Variants in PIGG observed in about 807,000 individuals in gnomAD.
The protein encoded by PIGG is phosphatidylinositol glycan anchor biosynthesis class G (EMM blood group).
PIGG carries 70 observed loss-of-function variants against 83.2 expected under a neutral mutation model. The ratio of observed to expected loss-of-function variants is 0.84; its 90% CI spans 0.69 to 1.03. The LOEUF is 1.03. Ranked by LOEUF, PIGG falls within the 50% of genes least tolerant of loss-of-function variation. The probability of loss-of-function intolerance (pLI) is 0.00; values close to 1 mark genes in which losing one functional copy is unlikely to be tolerated. For synonymous variants in PIGG, 532 were observed against 519.5 expected, an observed-to-expected ratio of 1.02 and a Z score of -0.33; for missense variants, 1,257 against 1,233.6, an observed-to-expected ratio of 1.02 and a Z score of -0.28.
At chr4:526,974 CT>C in intron 9 of PIGG, 64 bp from the exon 10 acceptor site, 2 of 1,579,552 alleles carry the variant, frequency 1.3e-6, no homozygotes, top group Non-Finnish European at 1.7e-6. Flanking sequence ...TTGAAAGCCA[CT>C]TGGTGTAGAT....
intron 8 of PIGG, 21 bp downstream of exon 8, chr4:521,962 G>C (rs773379923): frequency 6.2e-7 from 1 of 1,612,598 alleles, no homozygotes; most frequent in Admixed American, 1.7e-5. Flanking sequence ...CTGGTTCCTG[G>C]GAGTGTGACG....
rs782589600 is a variant in PIGG, at chr4:505,947, A to T, written c.570+20A>T. ...ACAGAGGTCAGTTTTTAAAATAAGA[A>T]AATATATCATACTAGAATATCATAC... is the stretch of plus-strand genomic sequence containing the variant. On this transcript the variant is annotated intron_variant, in intron 3 of 12. Transcript: ENST00000453061. 9.3e-6 allele frequency: 14 copies of T among 1,497,932 alleles called. No individual in the cohort carries two copies. The highest frequency in any genetic ancestry group is 1.4e-5 in the African/African-American group (1 of 71,770). 92.8% of individuals were successfully genotyped at this position (1,497,932 alleles called of 1,614,324 possible). A position where few individuals can be genotyped will look rare whatever the true frequency, so the allele number is the denominator to read the frequency against.
intron 8 of PIGG, chr4:522,147 T>C: frequency 1.6e-6 from 1 of 630,818 alleles, no homozygotes; most frequent in Non-Finnish European, 2.9e-6. Flanking sequence ...GGTGTTCACA[T>C]CTGTGCTGTC....
intron 2 of PIGG, among the ~76,000 whole-genome samples, chr4:503,482 C>T (rs138584728): frequency 6.6e-6 from 1 of 152,178 alleles, no homozygotes; most frequent in Non-Finnish European, 1.5e-5. Flanking sequence ...TCACACGCAG[C>T]TCATTTCCTC....
At position 533,822 on chromosome 4, in the gene PIGG, A is replaced by G. The variant is rs745840866; in HGVS notation, c.2576A>G (p.Asn859Ser). Residue 859 changes from asparagine (N) to serine (S), a missense_variant, in exon 12 of 13, where the codon AAC (asparagine) becomes AGC (serine). Coordinates refer to ENST00000453061, the MANE Select transcript of PIGG (RefSeq NM_001127178.3). ...FGQAFFYFQG[N>S]SNNIATVDIS... ...AGCTCTTCTCCTGTATTCCAGGGCA[A>G]CTCCAACAACATTGCCACCGTGGAC... 4 of 1,614,140 alleles carry G rather than the reference A, an allele frequency of 2.5e-6. No homozygotes were observed. The Admixed American group carries it at 6.7e-5, about 27-fold the overall frequency.
At chr4:518,558 A>G (rs1024672779) in intron 6 of PIGG, among the ~76,000 whole-genome samples, 82 of 152,318 alleles carry the variant, frequency 5.4e-4, no homozygotes, top group Admixed American at 2.2e-3. Flanking sequence ...GCGACACTGC[A>G]CTCCAGCCTG....
rs116173624 is a variant in PIGG, at chr4:502,969, G to A, written c.360+2368G>A. On this transcript the variant is annotated intron_variant, in intron 2 of 12. Coordinates refer to ENST00000453061, the MANE Select transcript of PIGG (RefSeq NM_001127178.3). The stretch of plus-strand genomic sequence containing the variant: ...GGGACAGTCCTATGGAAACTGGGCC[G>A]AGTATATAACGGAATCCACCAAGGA... Among the ~76,000 whole-genome samples the A allele has an allele frequency of 3.5e-3, 535 of 152,086 alleles. 1 individual carries two copies. Among genetic ancestry groups the A allele is most frequent in the African/African-American group, 0.012 (507 of 41,484 alleles).
chr4:500,328 T>C, intron 1 of PIGG, 68 bp from the exon 2 acceptor site: 1 of 1,129,826 alleles, frequency 8.9e-7, no homozygotes, highest in South Asian at 1.3e-5. Flanking sequence ...AGAAGCTAGA[T>C]TGTGAAGGTG....
intron 6 of PIGG, among the ~76,000 whole-genome samples, chr4:519,310 G>C (rs969831028): frequency 1.3e-5 from 2 of 152,158 alleles, no homozygotes; most frequent in African/African-American, 4.8e-5. Context: ...CTGGCACAGC[G>C]CCTGGCACAG....
intron 5 of PIGG, among the ~76,000 whole-genome samples, chr4:513,826 G>A (rs147293625): frequency 2.6e-5 from 4 of 152,266 alleles, no homozygotes; most frequent in African/African-American, 7.2e-5. Context: ...AAAATAGTTT[G>A]TGCAGGCAAG....
intron 2 of PIGG, among the ~76,000 whole-genome samples, chr4:505,031 G>A (rs1387022926): frequency 2.0e-5 from 3 of 152,158 alleles, no homozygotes; most frequent in Non-Finnish European, 2.9e-5. Flanking sequence ...GTTAGGAGTC[G>A]TATGGACTTT....
In PIGG at chr4:515,065, C is replaced by G. The variant is rs144685162; in HGVS notation, c.902-908C>G. 6.6e-6 allele frequency among the ~76,000 whole-genome samples: 1 copy of G among 152,268 alleles called. No homozygotes were observed. The highest frequency in any genetic ancestry group is 1.5e-5 in the Non-Finnish European group (1 of 68,008). ...CCAAGACCTGATTAATAAATTTGAC[C>G]AAATTAAAAACTCGCTACAAAAAAC... On this transcript the variant is annotated intron_variant, in intron 5 of 12. Coordinates refer to ENST00000453061, the MANE Select transcript of PIGG (RefSeq NM_001127178.3). This position sits in a 1 kb window ranked among gnomAD's most constrained non-coding sequence, Gnocchi z 4.2.
rs376095352 is a variant in PIGG, at chr4:521,758, T to C, written c.1431T>C (p.Tyr477=). Reference sequence around the variant, plus strand: ...CTCCTGGGTTTTCTCTGCTCTTTTATTTGGTGATCCTGGTTCTTTCGGCCG... The same window carrying C: ...CTCCTGGGTTTTCTCTGCTCTTTTACTTGGTGATCCTGGTTCTTTCGGCCG... ...LSSPGFSLLF[Y]LVILVLSAVH... Residue 477 remains tyrosine, a synonymous_variant, in exon 8 of 13, where the codon TAT becomes TAC. Coordinates refer to ENST00000453061, the MANE Select transcript of PIGG (RefSeq NM_001127178.3). 1.7e-5 allele frequency: 27 copies of C among 1,614,212 alleles called. 1 individual carries two copies. In the South Asian group the frequency reaches 2.6e-4, roughly 16 times the overall value.
Position 521,946 on chromosome 4 carries a change from G to T in PIGG, c.1614+5G>T. The T allele has an allele frequency of 4.3e-6, 7 of 1,613,902 alleles. No homozygotes were observed. The highest frequency in any genetic ancestry group is 5.9e-6 in the Non-Finnish European group (7 of 1,179,800). On this transcript the variant is annotated splice_donor_5th_base_variant and intron_variant, in intron 8 of 12. Transcript: ENST00000453061. ...GGTGGAAACACCCCAAGGAAGGTAC[G>T]TACGGCTGGTTCCTGGGAGTGTGAC...
At chr4:535,707 TCTC>T (rs1730409254) in intron 12 of PIGG, among the ~76,000 whole-genome samples, 1 of 152,060 alleles carries the variant, frequency 6.6e-6, no homozygotes, top group Admixed American at 6.6e-5. Flanking sequence ...CTTGGAGGCT[TCTC>T]CTGCCGAGCT....
chr4:528,404 G>A lies in PIGG; in HGVS notation c.2261+1174G>A. The A allele has an allele frequency of 2.0e-6, 2 of 985,250 alleles. No homozygotes were observed. The highest frequency in any genetic ancestry group is 9.4e-5 in the South Asian group (2 of 21,272). The allele number at this position is 985,250 out of a possible 1,614,324, so 61.0% of individuals were successfully genotyped here. A position where few individuals can be genotyped will look rare whatever the true frequency, so the allele number is the denominator to read the frequency against. On this transcript the variant is annotated intron_variant, in intron 10 of 12. Coordinates refer to ENST00000453061, the MANE Select transcript of PIGG (RefSeq NM_001127178.3). This position sits in a 1 kb window ranked among gnomAD's most constrained non-coding sequence, Gnocchi z 4.8. ...CAGCAAGTCAAGGTGACTGCTGAGG[G>A]CTGTGGCCAGCCTGAGGGGTGGCCG...
chr4:511,722 T>C (rs1268668513), intron 5 of PIGG, among the ~76,000 whole-genome samples: 5 of 152,276 alleles, frequency 3.3e-5, no homozygotes, highest in Admixed American at 2.0e-4. Flanking sequence ...TACCTGAAAT[T>C]TGATCTAGAG....
At position 521,225 on chromosome 4, in the gene PIGG, C is replaced by T; in HGVS notation, c.1284C>T (p.Ala428=). 3 of 1,614,012 alleles carry T rather than the reference C, an allele frequency of 1.9e-6. No individual in the cohort carries two copies. Among genetic ancestry groups the T allele is most frequent in the Non-Finnish European group, 2.5e-6 (3 of 1,180,006 alleles). Residue 428 remains alanine, a synonymous_variant, in exon 7 of 13, where the codon GCC becomes GCT. Transcript: ENST00000453061. The stretch of plus-strand genomic sequence containing the variant: ...GCTTGTCCCTGAGTGCACAAGTGGC[C>T]CAGTACGACATCTATTCGATGATGG... The part of the protein sequence containing the change: ...TLSLSLSAQV[A]QYDIYSMMVG...
In PIGG at chr4:515,957, G is replaced by A. The variant is rs187291662; in HGVS notation, c.902-16G>A. 2.5e-4 allele frequency: 397 copies of A among 1,602,872 alleles called. No individual in the cohort carries two copies. The African/African-American group carries it at 4.8e-3, about 19-fold the overall frequency. On this transcript the variant is annotated splice_polypyrimidine_tract_variant and intron_variant, in intron 5 of 12. Transcript: ENST00000453061. The surrounding 1 kb of genome is among the most constrained non-coding windows in gnomAD (Gnocchi z 4.2). ...TTTCTAGAAGTCTGTTACTTAAAAT[G>A]TTTTCTTTCTTCTAGGTGATATCCG...
Sources: gnomAD v4.1 joint callset for allele counts (sites outside exome capture counted in the v4.1 genomes callset) on GRCh38, gnomAD v4.1.1 for gene constraint, Gnocchi (gnomAD v3.1) non-coding constraint, MANE v1.5 for transcripts, NCBI Gene and HGNC (gene_info 2026-07-23, HGNC 2026-07-21) for gene names.